Variants in INCENP observed in about 807,000 individuals in gnomAD.
INCENP encodes the protein binds and activates aurora-B and -C in vivo and in vitro.
In INCENP, 43 loss-of-function variants were observed where a neutral mutation model predicts 107.3. The observed-to-expected ratio is 0.40, with a 90% confidence interval of 0.31 to 0.52. The LOEUF is 0.52. Ranked by LOEUF, INCENP falls within the 20% of genes least tolerant of loss-of-function variation. The pLI, the probability that INCENP is intolerant of heterozygous loss-of-function variation, is 0.53. For synonymous variants in INCENP, 488 were observed against 494.4 expected, an observed-to-expected ratio of 0.99 and a Z score of 0.17; for missense variants, 1,089 against 1,250.9, an observed-to-expected ratio of 0.87 and a Z score of 1.95.
At chr11:62,141,456 C>T (rs781314465) in intron 10 of INCENP, 44 bp from the exon 11 acceptor site, 22 of 1,613,608 alleles carry the variant, frequency 1.4e-5, no homozygotes, top group Middle Eastern at 1.6e-4. Flanking sequence ...GGATGCTCCC[C>T]GGCCTGGCAT....
At chr11:62,141,196 C>T (rs1449598521) in intron 10 of INCENP, 152 bp downstream of exon 10, 8 of 1,092,758 alleles carry the variant, frequency 7.3e-6, no homozygotes, top group Non-Finnish European at 1.0e-5. Context: ...CCTCTGTGGC[C>T]ACCGGCTGTC....
rs77765284 is a variant in INCENP at position 62,145,619 on chromosome 11, G to C, written c.1837-10G>C. 7.4e-3 allele frequency: 11,846 copies of C among 1,591,894 alleles called. 505 individuals carry two copies. In the African/African-American group the frequency reaches 0.11, roughly 15 times the overall value. ...GTGCTCCAATGGGCATGTGTGGGTG[G>C]GCTCTGCAGGCCAAGGAGGAGCGGC... On this transcript the variant is annotated splice_polypyrimidine_tract_variant and intron_variant, in intron 13 of 18. Coordinates refer to ENST00000394818, the MANE Select transcript of INCENP (RefSeq NM_001040694.2).
rs1944043601 is a variant in INCENP, at chr11:62,138,711, AG to A, written c.1116-1del. 6.2e-7 allele frequency: 1 copy of A among 1,613,906 alleles called. No homozygotes were observed. Among genetic ancestry groups the A allele is most frequent in the Non-Finnish European group, 8.5e-7 (1 of 1,179,942 alleles). On this transcript the variant is annotated splice_acceptor_variant, in intron 5 of 18. Transcript: ENST00000394818. LOFTEE classifies it high-confidence loss of function. ...CCCTCAGAGTCCCTCTTCTGTTTTCAGTTCTGAGCAGAAGGAACCCCCCGAG... is the reference window on the plus strand; with the variant it reads ...CCCTCAGAGTCCCTCTTCTGTTTTCATTCTGAGCAGAAGGAACCCCCCGAG...
intron 4 of INCENP, among the ~76,000 whole-genome samples, chr11:62,136,397 C>T (rs1392548896): frequency 6.6e-6 from 1 of 152,096 alleles, no homozygotes; most frequent in Non-Finnish European, 1.5e-5. Flanking sequence ...AAAATTAGGA[C>T]TTTTGCAGGC....
chr11:62,148,386 G>A, intron 15 of INCENP, 90 bp from the exon 16 acceptor site: 12 of 1,213,108 alleles, frequency 9.9e-6, no homozygotes, highest in Non-Finnish European at 1.4e-5. Flanking sequence ...GTGTCCTACT[G>A]GCTGGGCCTG....
rs1337055957 is a variant in INCENP, at chr11:62,130,169, A to G, written c.642A>G (p.Ser214=). 1 of 1,613,892 alleles carries G rather than the reference A, an allele frequency of 6.2e-7. No individual in the cohort carries two copies. The highest frequency in any genetic ancestry group is 8.5e-7 in the Non-Finnish European group (1 of 1,180,046). Residue 214 remains serine (S), a synonymous_variant, in exon 4 of 19, where the codon TCA becomes TCG. Coordinates refer to ENST00000394818, the MANE Select transcript of INCENP (RefSeq NM_001040694.2). ...CAACCTCCCAGGGCATCCCGACATC[A>G]GATGAGGAATCAACACCTAAGAAGT... is the stretch of plus-strand genomic sequence containing the variant. ...TAPTSQGIPT[S]DEESTPKKSK...
intron 8 of INCENP, 30 bp downstream of exon 8, chr11:62,140,315 A>C (rs781470391): frequency 6.3e-7 from 1 of 1,591,262 alleles, no homozygotes; most frequent in South Asian, 1.1e-5. Context: ...TGTGTAGGTA[A>C]CTCTGAGGGC....
intron 6 of INCENP, 44 bp downstream of exon 6, chr11:62,138,814 C>G: frequency 6.2e-7 from 1 of 1,610,590 alleles, no homozygotes; most frequent in South Asian, 1.1e-5. Flanking sequence ...CTCTGGGGCT[C>G]CCGCTCTGCA....
chr11:62,141,146 G>T, intron 10 of INCENP, 102 bp downstream of exon 10: 1 of 1,470,236 alleles, frequency 6.8e-7, no homozygotes, highest in Admixed American at 2.2e-5. Flanking sequence ...AGCCTGGGCG[G>T]AGGCAAGTGT....
intron 15 of INCENP, among the ~76,000 whole-genome samples, chr11:62,147,737 C>T (rs1408980409): frequency 1.3e-5 from 2 of 152,176 alleles, no homozygotes; most frequent in East Asian, 3.8e-4. Flanking sequence ...CAGGGGGCTG[C>T]ACTGAGTCAG....
intron 18 of INCENP, among the ~76,000 whole-genome samples, chr11:62,151,418 A>C (rs1343142426): frequency 1.3e-5 from 2 of 152,348 alleles, no homozygotes; most frequent in South Asian, 4.1e-4. Flanking sequence ...TTGTCTTCAA[A>C]CACAGGCTCT....
rs781260707 is a variant in INCENP, at chr11:62,148,895, C to G, written c.2391+49C>G. The G allele has an allele frequency of 1.2e-5, 15 of 1,212,708 alleles. No individual in the cohort carries two copies. In the South Asian group the frequency reaches 1.7e-4, roughly 13 times the overall value. The allele number at this position is 1,212,708 out of a possible 1,614,324, so 75.1% of individuals were successfully genotyped here. ...AGGCTCTCAGGTGGAGGGGCCCACT[C>G]TATTCTCTTCCCAGTAGCTAGAGGC... On this transcript the variant is annotated intron_variant, in intron 17 of 18. Coordinates refer to ENST00000394818, the MANE Select transcript of INCENP (RefSeq NM_001040694.2).
chr11:62,127,941 T>C (rs1384907361), intron 1 of INCENP, among the ~76,000 whole-genome samples: 1 of 149,506 alleles, frequency 6.7e-6, no homozygotes, highest in Non-Finnish European at 1.5e-5. Flanking sequence ...AGAGTGTGAG[T>C]AGAAGGGCTT....
At chr11:62,141,885 G>A (rs1233214570) in intron 11 of INCENP, 1 of 370,270 alleles carries the variant, frequency 2.7e-6, no homozygotes, top group Admixed American at 4.2e-5. Context: ...GGTCCCCAGA[G>A]CTACTGAGAT....
Position 62,144,991 on chromosome 11 carries a change from C to T in INCENP, c.1615C>T (p.Arg539Trp), listed in dbSNP as rs140112279. The T allele has an allele frequency of 7.9e-5, 127 of 1,598,240 alleles. No homozygotes were observed. The highest frequency in any genetic ancestry group is 1.8e-4 in the Middle Eastern group (1 of 5,650). The change falls in exon 12 of 19, where the codon CGG becomes TGG. Residue 539 changes from arginine to tryptophan, a missense_variant. Physicochemically the swap from Arg to Trp is moderately radical, Grantham distance 101 (BLOSUM62 -3). Transcript: ENST00000394818. ...DPKCSFVEKERQRLENLRRKE... is the reference protein window; with the variant it reads ...DPKCSFVEKEWQRLENLRRKE... ...CTCCCCGCCACCCCAGGAGAAGGAG[C>T]GGCAGCGCCTGGAGAATCTGCGGCG...
intron 18 of INCENP, 62 bp downstream of exon 18, chr11:62,150,269 C>G (rs1565104303): frequency 6.4e-7 from 1 of 1,568,836 alleles, no homozygotes; most frequent in South Asian, 1.1e-5. Context: ...CCTTGAGGGC[C>G]CTGGAAGTAG....
At chr11:62,134,386 C>G (rs1590611300) in intron 4 of INCENP, among the ~76,000 whole-genome samples, 1 of 129,016 alleles carries the variant, frequency 7.8e-6, no homozygotes, top group Non-Finnish European at 1.5e-5. Flanking sequence ...GCACTCCAGA[C>G]AGAGTGAGAC....
At chr11:62,127,927 T>C (rs1943790981) in intron 1 of INCENP, among the ~76,000 whole-genome samples, 1 of 151,718 alleles carries the variant, frequency 6.6e-6, no homozygotes, top group African/African-American at 2.4e-5. Flanking sequence ...AGGGAGGTAT[T>C]TGAAGAGTGT....
At chr11:62,150,740 C>T (rs79772518) in intron 18 of INCENP, among the ~76,000 whole-genome samples, 3,587 of 152,258 alleles carry the variant, frequency 0.024, 114 homozygotes, top group Non-Finnish European at 0.028. Context: ...TGTGGGTGAG[C>T]GTGACTGCAA....
Sources: gnomAD v4.1 joint callset for allele counts (sites outside exome capture counted in the v4.1 genomes callset) on GRCh38, gnomAD v4.1.1 for gene constraint, MANE v1.5 for transcripts, NCBI Gene and HGNC (gene_info 2026-07-23, HGNC 2026-07-21) for gene names.